ZNF562: variants seen among roughly 807,000 people sequenced by gnomAD.
ZNF562 encodes zinc finger protein 562.
Under a neutral mutation model 17.5 loss-of-function variants are expected in ZNF562, and 13 were observed. That is an observed-to-expected ratio of 0.74 (90% CI 0.48 to 1.18). The LOEUF is 1.18. Among genes scored for constraint, ZNF562 ranks in the 50% most tolerant of loss-of-function variants. The pLI, the probability that ZNF562 is intolerant of heterozygous loss-of-function variation, is 0.00. For synonymous variants in ZNF562, 163 were observed against 165.4 expected, an observed-to-expected ratio of 0.99 and a Z score of 0.11; for missense variants, 481 against 498.5, an observed-to-expected ratio of 0.96 and a Z score of 0.33.
intron 5 of ZNF562, among the ~76,000 whole-genome samples, 156 bp downstream of exon 5, chr19:9,656,391 C>T (rs1225491813): frequency 1.3e-5 from 2 of 152,052 alleles, no homozygotes; most frequent in Non-Finnish European, 1.5e-5. Context: ...TGCCTGTAGT[C>T]CTAGCTACTC....
intron 4 of ZNF562, among the ~76,000 whole-genome samples, chr19:9,657,423 AAAAC>A (rs914764148): frequency 1.1e-4 from 17 of 151,300 alleles, no homozygotes; most frequent in South Asian, 2.1e-4. Context: ...AACCAAAAGC[AAAAC>A]AAACAAACAA....
intron 1 of ZNF562, among the ~76,000 whole-genome samples, chr19:9,672,994 A>G (rs986796222): frequency 3.4e-5 from 5 of 145,000 alleles, no homozygotes; most frequent in Non-Finnish European, 6.2e-5. Context: ...CTCAAACTCA[A>G]CTTTCCTGTT....
chr19:9,657,391 CAA>C (rs540611946), intron 4 of ZNF562, among the ~76,000 whole-genome samples: 2 of 88,126 alleles, frequency 2.3e-5, no homozygotes, highest in African/African-American at 4.0e-5. Context: ...GAGACTCCCT[CAA>C]AAAAAAAAAA....
In ZNF562 at chr19:9,652,933, C is replaced by G. The variant is rs757933933; in HGVS notation, c.*16G>C. 4.8e-6 allele frequency: 7 copies of G among 1,468,496 alleles called. No individual in the cohort carries two copies. Among genetic ancestry groups the G allele is most frequent in the African/African-American group, 4.2e-5 (3 of 70,956 alleles). The allele number at this position is 1,468,496 out of a possible 1,614,324, so 91.0% of individuals were successfully genotyped here. On this transcript the variant is annotated 3_prime_UTR_variant, in exon 6 of 6. Transcript: ENST00000453372. ...GGGGTGAGGAATACAGAAATTCTTT[C>G]CCACATATCTTGCATTTACCTTTCT...
chr19:9,670,620 G>T (rs1404231640), intron 1 of ZNF562, among the ~76,000 whole-genome samples: 1 of 152,154 alleles, frequency 6.6e-6, no homozygotes, highest in Non-Finnish European at 1.5e-5. Flanking sequence ...GAGCTAAAAA[G>T]TGGATCTCAT....
chr19:9,653,453 G>T lies in ZNF562; in HGVS notation c.777C>A (p.Ser259=), dbSNP rs1059198. The change falls in exon 6 of 6, where the codon TCC becomes TCA. Residue 259 remains serine, a synonymous_variant. Transcript: ENST00000453372. ...ATTTCCCACAGTTCTTAGTCTTTTC[G>T]GATTTCTTTCCAGTATGAACTGCTA... The part of the protein sequence containing the change: ...QCVAVHTGKK[S]EKTKNCGKSF... 6.2e-7 allele frequency: 1 copy of T among 1,614,038 alleles called. No individual in the cohort carries two copies. Among genetic ancestry groups the T allele is most frequent in the Non-Finnish European group, 8.5e-7 (1 of 1,180,032 alleles).
Position 9,659,413 on chromosome 19 carries a change from G to A in ZNF562, c.80C>T (p.Thr27Met), listed in dbSNP as rs577142124. 118 of 1,551,260 alleles carry A rather than the reference G, an allele frequency of 7.6e-5. 1 individual carries two copies. The South Asian group carries it at 9.9e-4, about 13-fold the overall frequency. Reference protein sequence around the residue: ...CPFEEKTKIGTMVEDHRSNSY... With the variant: ...CPFEEKTKIGMMVEDHRSNSY... ...ATTTGACCGGTGGTCCTCTACCATC[G>A]TTCCTATCTTTGTCTTTTCTTCAAA... Residue 27 changes from threonine (T) to methionine (M), a missense_variant, in exon 3 of 6, where the codon ACG becomes ATG. This residue lies in a region of ZNF562 where 403 missense variants were observed against 386.4 expected (regional missense o/e 1.04). Transcript: ENST00000453372.
Position 9,647,022 on chromosome 19 carries a change from C to T in ZNF562, c.*5927G>A, listed in dbSNP as rs1049924960. 1 of 151,840 alleles carries T rather than the reference C, an allele frequency of 6.6e-6. No individual in the cohort carries two copies. The highest frequency in any genetic ancestry group is 1.5e-5 in the Non-Finnish European group (1 of 67,986). The allele number at this position is 151,840 out of a possible 1,614,324, so 9.4% of individuals were successfully genotyped here. A position where few individuals can be genotyped will look rare whatever the true frequency, so the allele number is the denominator to read the frequency against. The stretch of plus-strand genomic sequence containing the variant: ...TCGAACTCCTGACCTCAGGTGACCC[C>T]CTGCCTTGACCTCCCAAAGTGCTGT... On this transcript the variant is annotated 3_prime_UTR_variant, in exon 6 of 6. Transcript: ENST00000453372.
intron 1 of ZNF562, among the ~76,000 whole-genome samples, chr19:9,664,315 C>A (rs952260318): frequency 2.6e-5 from 4 of 152,188 alleles, no homozygotes; most frequent in Non-Finnish European, 5.9e-5. Context: ...GTGGTCCACC[C>A]GCCCCAGCCT....
chr19:9,671,266 T>A (rs757144213), intron 1 of ZNF562, among the ~76,000 whole-genome samples: 1 of 152,118 alleles, frequency 6.6e-6, no homozygotes, highest in Admixed American at 6.5e-5. Flanking sequence ...ATCAAAAAAA[T>A]TTTTCTGGAT....
rs777057424 is a variant in ZNF562 at position 9,653,025 on chromosome 19, C to T, written c.1205G>A (p.Cys402Tyr). 1 of 1,566,554 alleles carries T rather than the reference C, an allele frequency of 6.4e-7. No homozygotes were observed. The highest frequency in any genetic ancestry group is 8.6e-7 in the Non-Finnish European group (1 of 1,158,552). The change falls in exon 6 of 6, where the codon TGT (cysteine) becomes TAT (tyrosine). Residue 402 changes from cysteine (C) to tyrosine (Y), a missense_variant. Physicochemically the swap from Cys to Tyr is radical, Grantham distance 194. Around this residue, in one of 2 missense-constraint regions of ZNF562, gnomAD observed 78 missense variants for 112.0 expected, o/e 0.70. Transcript: ENST00000453372. The part of the protein sequence containing the change: ...RIHTGEKPYE[C>Y]VECGKTFITS... ...AATGAAGGTCTTCCCACATTCAACA[C>T]ATTCATAAGGCTTCTCTCCTGTGTG...
At chr19:9,663,961 G>A (rs928760883) in intron 1 of ZNF562, among the ~76,000 whole-genome samples, 2 of 152,174 alleles carry the variant, frequency 1.3e-5, no homozygotes, top group Non-Finnish European at 2.9e-5. Context: ...CACAATGACA[G>A]CCAGGCTGGT....
intron 5 of ZNF562, among the ~76,000 whole-genome samples, chr19:9,655,732 T>C (rs1473650407): frequency 2.7e-5 from 3 of 111,358 alleles, no homozygotes; most frequent in Non-Finnish European, 3.9e-5. Context: ...TTTTTTTTTT[T>C]TTTTTTTTTT....
chr19:9,668,181 G>C (rs1354496083), intron 1 of ZNF562, among the ~76,000 whole-genome samples: 1 of 151,964 alleles, frequency 6.6e-6, no homozygotes, highest in East Asian at 1.9e-4. Flanking sequence ...TTCAAGACCA[G>C]CCTGGGCAAC....
At chr19:9,673,232 G>A (rs1383995177) in intron 1 of ZNF562, among the ~76,000 whole-genome samples, 5 of 152,014 alleles carry the variant, frequency 3.3e-5, no homozygotes, top group Admixed American at 2.0e-4. Context: ...CTAACCCACG[G>A]GGGAGAGACA....
At position 9,647,241 on chromosome 19, in the gene ZNF562, C is replaced by T. The variant is rs759634897; in HGVS notation, c.*5708G>A. ...GGATTACAGGGGCACAATACCGTGC[C>T]CAGCTAATTTTTGTATTTTTAGTAA... is the stretch of plus-strand genomic sequence containing the variant. On this transcript the variant is annotated 3_prime_UTR_variant, in exon 6 of 6. Transcript: ENST00000453372. 1 of 151,880 alleles carries T rather than the reference C, an allele frequency of 6.6e-6. No homozygotes were observed. Among genetic ancestry groups the T allele is most frequent in the Non-Finnish European group, 1.5e-5 (1 of 68,060 alleles). 9.4% of individuals were successfully genotyped at this position (151,880 alleles called of 1,614,324 possible).
At chr19:9,668,762 A>G (rs1233426072) in intron 1 of ZNF562, among the ~76,000 whole-genome samples, 2 of 150,964 alleles carry the variant, frequency 1.3e-5, no homozygotes, top group Non-Finnish European at 2.9e-5. Flanking sequence ...CATAAAAAAA[A>G]CAAACAAACA....
chr19:9,653,602 C>A lies in ZNF562; in HGVS notation c.628G>T (p.Gly210Ter), dbSNP rs3199840. 1.2e-6 allele frequency: 2 copies of A among 1,614,114 alleles called. No individual in the cohort carries two copies. Residue 210 changes from glycine to a stop codon, truncating the protein, a stop_gained, in exon 6 of 6, where the codon GGA becomes TGA. Transcript: ENST00000453372. LOFTEE classifies it low-confidence loss of function (END_TRUNC). ...GRQPYKCKEC[G>*]KGFKYFASLD... ...CTTGCAAAATACTTAAAGCCTTTTC[C>A]ACATTCCTTACATTTGTAGGGTTGT...
chr19:9,674,693 C>T (rs1486744017), intron 1 of ZNF562: 2 of 151,514 alleles, frequency 1.3e-5, no homozygotes, highest in Non-Finnish European at 2.9e-5. Context: ...GAGCCAACCT[C>T]ACCAGAAGGG....
Sources: allele counts gnomAD v4.1 joint callset (sites outside exome capture counted in the v4.1 genomes callset), GRCh38; gene constraint gnomAD v4.1.1; regional missense constraint gnomAD v4.1.1; transcripts MANE v1.5; gene names NCBI Gene and HGNC (gene_info 2026-07-23, HGNC 2026-07-21).